NTM: variants seen among roughly 807,000 people sequenced by gnomAD.
NTM encodes IgLON family member 2.
In NTM, 13 loss-of-function variants were observed where a neutral mutation model predicts 42.1. That is an observed-to-expected ratio of 0.31 (90% CI 0.20 to 0.49). NTM has a LOEUF of 0.49. NTM is among the 20% of genes least tolerant of loss of function. The pLI is 0.99. For synonymous variants in NTM, 187 were observed against 179.2 expected (o/e 1.04, Z -0.35); for missense variants, 373 against 452.8 (o/e 0.82, Z 1.60).
intron 4 of NTM, among the ~76,000 whole-genome samples, chr11:132,265,339 T>TGG (rs1338090653): frequency 6.6e-6 from 1 of 152,246 alleles, no homozygotes; most frequent in Non-Finnish European, 1.5e-5. Context: ...ACGTAGGCTT[T>TGG]ACTTCTTGTT....
intron 2 of NTM, among the ~76,000 whole-genome samples, chr11:132,069,235 G>A (rs1187806086): frequency 6.7e-6 from 1 of 149,686 alleles, no homozygotes; most frequent in Non-Finnish European, 1.5e-5. Context: ...ACGTCACTCA[G>A]CCAAGTTAAC....
intron 2 of NTM, among the ~76,000 whole-genome samples, chr11:132,087,848 T>C (rs1466265153): frequency 6.6e-6 from 1 of 152,220 alleles, no homozygotes; most frequent in Non-Finnish European, 1.5e-5. Flanking sequence ...TCAGATCAAG[T>C]TGGATTAATT....
At position 131,552,246 on chromosome 11, in the gene NTM, G is replaced by A. The variant is rs139244467; in HGVS notation, c.82+181358G>A. 5.5e-3 allele frequency among the ~76,000 whole-genome samples: 843 copies of A among 152,266 alleles called. 8 individuals carry two copies. The highest frequency in any genetic ancestry group is 0.019 in the African/African-American group (806 of 41,548). On this transcript the variant is annotated intron_variant, in intron 1 of 8. Transcript: ENST00000683400. ...GCCAACATCGAGTGTTGATAACGAC[G>A]TCATGTCATGGTAAGTATCACGCAC... is the stretch of plus-strand genomic sequence containing the variant.
At chr11:131,480,975 G>T (rs1198126155) in intron 1 of NTM, among the ~76,000 whole-genome samples, 1 of 152,178 alleles carries the variant, frequency 6.6e-6, no homozygotes, top group African/African-American at 2.4e-5. Context: ...ATGTGCAGAT[G>T]AATCCACTGG....
chr11:132,165,784 G>A (rs1566353679), intron 3 of NTM, among the ~76,000 whole-genome samples: 1 of 152,184 alleles, frequency 6.6e-6, no homozygotes, highest in East Asian at 1.9e-4. Flanking sequence ...CCTCTGCTAA[G>A]TGCTGCTTCT....
intron 3 of NTM, among the ~76,000 whole-genome samples, chr11:132,205,585 A>G (rs1350391413): frequency 2.0e-5 from 3 of 152,032 alleles, no homozygotes; most frequent in Non-Finnish European, 4.4e-5. Context: ...ACATACCCTA[A>G]CCACTCCTTG....
chr11:132,087,154 T>G (rs1030693251), intron 2 of NTM, among the ~76,000 whole-genome samples: 3 of 152,166 alleles, frequency 2.0e-5, no homozygotes, highest in African/African-American at 7.2e-5. Flanking sequence ...TGTCCTTATA[T>G]TCCCAAGTCC....
intron 1 of NTM, among the ~76,000 whole-genome samples, chr11:131,433,716 T>A (rs1178164550): frequency 1.3e-5 from 2 of 152,194 alleles, no homozygotes; most frequent in African/African-American, 4.8e-5. Context: ...TCTAGATATT[T>A]TTTTTTCCTT....
At chr11:131,395,166 C>T (rs901433079) in intron 1 of NTM, among the ~76,000 whole-genome samples, 2 of 152,106 alleles carry the variant, frequency 1.3e-5, no homozygotes, top group Non-Finnish European at 2.9e-5. Context: ...CTCTGTCCTG[C>T]CCATTTGTGT....
chr11:131,749,109 G>A (rs2082170484), intron 1 of NTM, among the ~76,000 whole-genome samples: 1 of 152,234 alleles, frequency 6.6e-6, no homozygotes, highest in Non-Finnish European at 1.5e-5. Flanking sequence ...GGGCACTGGA[G>A]AAGCTACAAC....
chr11:132,002,025 T>A lies in NTM; in HGVS notation c.167+90377T>A, dbSNP rs1186209745. On this transcript the variant is annotated intron_variant, in intron 2 of 8. Transcript: ENST00000683400. This position sits in a 1 kb window ranked among gnomAD's most constrained non-coding sequence, Gnocchi z 4.5. ...TGTAGAAAAACTTGAATAAAAGCAATGGCAGGGACAGCCAAAGAGGAATCA... is the reference window on the plus strand; with the variant it reads ...TGTAGAAAAACTTGAATAAAAGCAAAGGCAGGGACAGCCAAAGAGGAATCA... Among the ~76,000 whole-genome samples the A allele has an allele frequency of 6.6e-6, 1 of 152,034 alleles. No individual in the cohort carries two copies. The highest frequency in any genetic ancestry group is 1.5e-5 in the Non-Finnish European group (1 of 68,014).
intron 2 of NTM, among the ~76,000 whole-genome samples, chr11:132,117,993 G>T (rs982403559): frequency 6.6e-6 from 1 of 152,186 alleles, no homozygotes; most frequent in Non-Finnish European, 1.5e-5. Context: ...ATGACTCCGC[G>T]CTAACTTGAA....
intron 1 of NTM, among the ~76,000 whole-genome samples, chr11:131,443,073 G>T (rs2135989023): frequency 6.6e-6 from 1 of 152,284 alleles, no homozygotes; most frequent in Middle Eastern, 3.4e-3. Flanking sequence ...TTCCATAGAA[G>T]GAGATATTCT....
At chr11:131,673,799 C>G (rs563960131) in intron 1 of NTM, among the ~76,000 whole-genome samples, 2 of 152,138 alleles carry the variant, frequency 1.3e-5, no homozygotes, top group African/African-American at 4.8e-5. Context: ...AGAGATCTCA[C>G]GTTTGCAGAA....
intron 1 of NTM, among the ~76,000 whole-genome samples, chr11:131,792,957 C>G (rs1300663652): frequency 6.6e-6 from 1 of 152,210 alleles, no homozygotes; most frequent in Non-Finnish European, 1.5e-5. Flanking sequence ...AAAATGGAGA[C>G]AGTCTGGATT....
chr11:131,628,093 T>C (rs1219946027), intron 1 of NTM, among the ~76,000 whole-genome samples: 3 of 152,160 alleles, frequency 2.0e-5, no homozygotes, highest in African/African-American at 7.2e-5. Flanking sequence ...GAAACTCAAA[T>C]TCTTCAAGAT....
intron 1 of NTM, among the ~76,000 whole-genome samples, chr11:131,450,562 C>T (rs972887021): frequency 1.3e-5 from 2 of 152,204 alleles, no homozygotes; most frequent in East Asian, 3.9e-4. Context: ...ACCATGTGCA[C>T]GTAAACCCTG....
intron 2 of NTM, among the ~76,000 whole-genome samples, chr11:132,008,546 A>G (rs2071342048): frequency 1.3e-5 from 2 of 151,958 alleles, no homozygotes; most frequent in African/African-American, 2.4e-5. Flanking sequence ...TGAACCATCT[A>G]GTAGCCTAAG....
At chr11:131,807,320 C>T (rs935915611) in intron 1 of NTM, among the ~76,000 whole-genome samples, 12 of 152,220 alleles carry the variant, frequency 7.9e-5, no homozygotes, top group South Asian at 2.1e-4. Context: ...AAAGCCATTC[C>T]GGCTGCCGTA....
Sources: allele counts gnomAD v4.1 joint callset (sites outside exome capture counted in the v4.1 genomes callset), GRCh38; gene constraint gnomAD v4.1.1; non-coding constraint Gnocchi (gnomAD v3.1); transcripts MANE v1.5; gene names NCBI Gene and HGNC (gene_info 2026-07-23, HGNC 2026-07-21).